The following SORD variants were observed in gnomAD, a reference collection of about 807,000 sequenced individuals.
SORD encodes sorbitol dehydrogenase.
SORD carries 18 observed loss-of-function variants against 35.6 expected under a neutral mutation model. That is an observed-to-expected ratio of 0.51 (90% CI 0.35 to 0.75). The LOEUF (loss-of-function observed/expected upper bound fraction) is 0.75. Among genes scored for constraint, SORD ranks in the 30% least tolerant of loss-of-function variants. The pLI is 0.01. For missense variants in SORD, 250 were observed against 390.2 expected (o/e 0.64, Z 3.03); for synonymous variants, 106 against 152.9 (o/e 0.69, Z 2.26).
chr15:45,025,039 A>G (rs1299336603), intron 1 of SORD, among the ~76,000 whole-genome samples: 2 of 152,254 alleles, frequency 1.3e-5, no homozygotes, highest in African/African-American at 4.8e-5. Context: ...ATGGTTCCGT[A>G]GACAAAGCTT....
chr15:45,059,116 T>C (rs1486477849), intron 3 of SORD, among the ~76,000 whole-genome samples: 1 of 152,202 alleles, frequency 6.6e-6, no homozygotes, highest in Non-Finnish European at 1.5e-5. Flanking sequence ...CTGCTCTTTA[T>C]GTGCCTGCAG....
intron 7 of SORD, among the ~76,000 whole-genome samples, chr15:45,071,713 C>A (rs1893516404): frequency 6.8e-6 from 1 of 147,256 alleles, no homozygotes; most frequent in African/African-American, 2.5e-5. Context: ...TGCCTGTGAC[C>A]CACTCCAAGT....
At chr15:45,063,277 G>A (rs1324692009) in intron 4 of SORD, among the ~76,000 whole-genome samples, 1 of 151,994 alleles carries the variant, frequency 6.6e-6, no homozygotes, top group Non-Finnish European at 1.5e-5. Flanking sequence ...CTATTTTCCT[G>A]CTTCTCCTTG....
chr15:45,054,844 A>C (rs955928144), intron 3 of SORD, among the ~76,000 whole-genome samples: 8 of 150,952 alleles, frequency 5.3e-5, no homozygotes, highest in African/African-American at 1.9e-4. Flanking sequence ...GAAGGGATCC[A>C]GTTTCAGCTT....
intron 1 of SORD, 88 bp from the exon 2 acceptor site, chr15:45,040,320 T>A: frequency 1.1e-6 from 1 of 892,572 alleles, no homozygotes; most frequent in Non-Finnish European, 1.8e-6. Flanking sequence ...AAACTATTGA[T>A]GAAACTCTAA....
rs1871159746 is a variant in SORD, at chr15:45,061,294, T to C, written c.425+68T>C. 1.5e-5 allele frequency: 23 copies of C among 1,529,998 alleles called. 2 individuals carry two copies. In the South Asian group the frequency reaches 2.6e-4, roughly 17 times the overall value. The allele number at this position is 1,529,998 out of a possible 1,614,324, so 94.8% of individuals were successfully genotyped here. On this transcript the variant is annotated intron_variant, in intron 4 of 8. Coordinates refer to ENST00000267814, the MANE Select transcript of SORD (RefSeq NM_003104.6). Reference sequence around the variant, plus strand: ...CCTTCATTAGCTTGGTGCTGTTTCCTGTGGTTATTTCTTTATTCTTTTCAG... The same window carrying C: ...CCTTCATTAGCTTGGTGCTGTTTCCCGTGGTTATTTCTTTATTCTTTTCAG...
At chr15:45,027,331 C>A (rs142214344) in intron 1 of SORD, among the ~76,000 whole-genome samples, 612 of 152,184 alleles carry the variant, frequency 4.0e-3, no homozygotes, top group African/African-American at 0.014. Context: ...TTTAGTCCCC[C>A]TTCTACTGCT....
intron 3 of SORD, among the ~76,000 whole-genome samples, chr15:45,058,182 C>T (rs759012166): frequency 6.6e-6 from 1 of 152,148 alleles, no homozygotes; most frequent in Non-Finnish European, 1.5e-5. Context: ...GTGCCGACAC[C>T]GTGATGGGCT....
Position 45,061,605 on chromosome 15 carries a change from T to C in SORD, c.425+379T>C, listed in dbSNP as rs1222585121. Reference sequence around the variant, plus strand: ...GACCTCGGCCAGGTGTGGTGGCTCATGCCTGTAATCCCAGCACTTTAGGAG... The same window carrying C: ...GACCTCGGCCAGGTGTGGTGGCTCACGCCTGTAATCCCAGCACTTTAGGAG... On this transcript the variant is annotated intron_variant, in intron 4 of 8. Transcript: ENST00000267814. Among the ~76,000 whole-genome samples the C allele has an allele frequency of 4.6e-5, 7 of 152,018 alleles. No individual in the cohort carries two copies. In the South Asian group the frequency reaches 1.5e-3, roughly 32 times the overall value.
chr15:45,057,437 G>C (rs1893235679), intron 3 of SORD, among the ~76,000 whole-genome samples: 1 of 152,166 alleles, frequency 6.6e-6, no homozygotes, highest in South Asian at 2.1e-4. Context: ...AAGCATAATT[G>C]TTAAGAACAT....
chr15:45,030,321 GA>G (rs943500062), intron 1 of SORD, among the ~76,000 whole-genome samples: 10 of 152,336 alleles, frequency 6.6e-5, no homozygotes, highest in Non-Finnish European at 1.3e-4. Context: ...GGATGTAGGG[GA>G]AATTTCTCTT....
intron 4 of SORD, among the ~76,000 whole-genome samples, chr15:45,062,293 T>G (rs1893329452): frequency 6.6e-6 from 1 of 152,242 alleles, no homozygotes; most frequent in African/African-American, 2.4e-5. Context: ...CTGTGCCCAC[T>G]CCCCTACCCT....
At chr15:45,027,529 C>T (rs1892694754) in intron 1 of SORD, among the ~76,000 whole-genome samples, 1 of 152,240 alleles carries the variant, frequency 6.6e-6, no homozygotes, top group African/African-American at 2.4e-5. Context: ...GAAGCCAGAG[C>T]CCCTGAGGAC....
intron 3 of SORD, among the ~76,000 whole-genome samples, chr15:45,051,496 C>T (rs1014204170): frequency 3.3e-5 from 5 of 152,110 alleles, no homozygotes; most frequent in Non-Finnish European, 7.4e-5. Flanking sequence ...AATATGTTAG[C>T]GGTTCAAAGC....
chr15:45,030,564 C>A (rs1002008268), intron 1 of SORD, among the ~76,000 whole-genome samples: 1 of 152,222 alleles, frequency 6.6e-6, no homozygotes, highest in Non-Finnish European at 1.5e-5. Context: ...TAGACCCGAA[C>A]ACAGTGAGCA....
chr15:45,073,650 C>T lies in SORD; in HGVS notation c.*120C>T, dbSNP rs1213592456. ...AATGTTAAGAATAACTAATACAATT[C>T]ATTGTGAACAGAAGTCCTTAAGCAG... On this transcript the variant is annotated 3_prime_UTR_variant, in exon 9 of 9. Transcript: ENST00000267814. 7.5e-7 allele frequency: 1 copy of T among 1,338,684 alleles called. No individual in the cohort carries two copies. Among genetic ancestry groups the T allele is most frequent in the Non-Finnish European group, 1.0e-6 (1 of 994,186 alleles). 82.9% of individuals were successfully genotyped at this position (1,338,684 alleles called of 1,614,324 possible).
At chr15:45,048,790 G>C (rs777357757) in intron 3 of SORD, among the ~76,000 whole-genome samples, 1 of 152,150 alleles carries the variant, frequency 6.6e-6, no homozygotes, top group Non-Finnish European at 1.5e-5. Flanking sequence ...GGGGTGGAGG[G>C]AGGGGGCAGC....
In SORD at chr15:45,055,892, G is replaced by A. The variant is rs1360204251; in HGVS notation, c.266-5175G>A. ...AAACAGAACCAAAGACAAAAACCAC[G>A]TGATTATCTCAATAGATGCAGAAAA... is the stretch of plus-strand genomic sequence containing the variant. On this transcript the variant is annotated intron_variant, in intron 3 of 8. Transcript: ENST00000267814. Among the ~76,000 whole-genome samples the A allele has an allele frequency of 6.7e-4, 102 of 151,858 alleles. No individual in the cohort carries two copies. The East Asian group carries it at 0.018, about 26-fold the overall frequency.
At chr15:45,062,153 A>C (rs1893324893) in intron 4 of SORD, among the ~76,000 whole-genome samples, 2 of 151,966 alleles carry the variant, frequency 1.3e-5, no homozygotes, top group African/African-American at 4.8e-5. Context: ...AATTTATTTA[A>C]TCTCCACAAG....
Sources: allele counts gnomAD v4.1 joint callset (sites outside exome capture counted in the v4.1 genomes callset), GRCh38; gene constraint gnomAD v4.1.1; transcripts MANE v1.5; gene names NCBI Gene and HGNC (gene_info 2026-07-23, HGNC 2026-07-21).